ATP9A: variants seen among roughly 807,000 people sequenced by gnomAD.
ATP9A encodes the protein ATPase phospholipid transporting 9A.
In ATP9A, 52 loss-of-function variants were observed where a neutral mutation model predicts 144.1. That is an observed-to-expected ratio of 0.36 (90% CI 0.29 to 0.45). The LOEUF is 0.45. Among genes scored for constraint, ATP9A ranks in the 20% least tolerant of loss-of-function variants. ATP9A has a pLI of 1.00. For synonymous variants in ATP9A, 582 were observed against 557.4 expected (o/e 1.04, Z -0.62); for missense variants, 947 against 1,392.7 (o/e 0.68, Z 5.09).
intron 1 of ATP9A, chr20:51,735,028 C>T: frequency 4.9e-6 from 1 of 203,190 alleles, no homozygotes; most frequent in Non-Finnish European, 1.1e-5. Flanking sequence ...CCAGCTCAGG[C>T]TCTCAAAAGT....
chr20:51,618,888 C>T, intron 20 of ATP9A, 66 bp downstream of exon 20: 1 of 1,597,260 alleles, frequency 6.3e-7, no homozygotes, highest in East Asian at 2.2e-5. Context: ...CCTGCAGTGC[C>T]CCTGCCGAAG....
intron 1 of ATP9A, among the ~76,000 whole-genome samples, chr20:51,745,004 AGTGGCTGACTC>A (rs1476539278): frequency 1.6e-4 from 24 of 151,490 alleles, no homozygotes; most frequent in Admixed American, 3.3e-4. Flanking sequence ...GGCCGGGTGC[AGTGGCTGACTC>A]CTGTAATCCC....
At chr20:51,604,281 G>A (rs1008828895) in intron 27 of ATP9A, among the ~76,000 whole-genome samples, 3 of 152,162 alleles carry the variant, frequency 2.0e-5, no homozygotes, top group Non-Finnish European at 2.9e-5. Context: ...CACGGCAGGT[G>A]CTCCCACGTC....
At position 51,674,238 on chromosome 20, in the gene ATP9A, T is replaced by C. The variant is rs2077467987; in HGVS notation, c.952A>G (p.Met318Val). ...CCTGCAAAGTGCTGAAGGGCAACCA[T>C]GACCAGCGAGACCACCACCAGGGCA... The part of the protein sequence containing the change: ...FGALVVVSLV[M>V]VALQHFAGRW... Residue 318 changes from methionine (M) to valine (V), a missense_variant, in exon 11 of 28, where the codon ATG becomes GTG. Met to Val is a conservative substitution (Grantham distance 21, BLOSUM62 1). This residue lies in a region of ATP9A where 770 missense variants were observed against 1,047.9 expected (regional missense o/e 0.73). Coordinates refer to ENST00000338821, the MANE Select transcript of ATP9A (RefSeq NM_006045.3). 6.2e-7 allele frequency: 1 copy of C among 1,613,876 alleles called. No individual in the cohort carries two copies. Among genetic ancestry groups the C allele is most frequent in the African/African-American group, 1.3e-5 (1 of 74,970 alleles).
rs1489852856 is a variant in ATP9A, at chr20:51,666,020, C to T, written c.1293+3977G>A. Among the ~76,000 whole-genome samples, 3 of 152,184 alleles carry T rather than the reference C, an allele frequency of 2.0e-5. No individual in the cohort carries two copies. In the East Asian group the frequency reaches 5.8e-4, roughly 29 times the overall value. On this transcript the variant is annotated intron_variant, in intron 13 of 27. Coordinates refer to ENST00000338821, the MANE Select transcript of ATP9A (RefSeq NM_006045.3). ...AACTGTGGAATTCCAGCCCCTTCCG[C>T]AGGACACCTCAAGGACCGGACCTGA...
intron 13 of ATP9A, among the ~76,000 whole-genome samples, chr20:51,664,780 C>T (rs1438917844): frequency 6.6e-6 from 1 of 151,580 alleles, no homozygotes; most frequent in Non-Finnish European, 1.5e-5. Flanking sequence ...AGTGCAGTGA[C>T]GCGATCTCAG....
intron 1 of ATP9A, chr20:51,732,246 G>A (rs1057179028): frequency 3.3e-5 from 5 of 152,152 alleles, no homozygotes; most frequent in South Asian, 2.1e-4. Context: ...ACAAGCTCCC[G>A]AAAAACTGCA....
intron 14 of ATP9A, among the ~76,000 whole-genome samples, chr20:51,643,489 G>A (rs947728351): frequency 6.6e-6 from 1 of 152,106 alleles, no homozygotes; most frequent in Non-Finnish European, 1.5e-5. Context: ...CTGGGGGTGG[G>A]GTTCCTCATG....
chr20:51,606,995 G>C (rs1284688276), intron 26 of ATP9A, among the ~76,000 whole-genome samples: 2 of 150,504 alleles, frequency 1.3e-5, no homozygotes, highest in African/African-American at 4.9e-5. Context: ...AAGGATTCTG[G>C]GCATGGTGGC....
chr20:51,694,946 GA>G (rs1456137425), intron 6 of ATP9A, among the ~76,000 whole-genome samples: 1 of 152,076 alleles, frequency 6.6e-6, no homozygotes, highest in Non-Finnish European at 1.5e-5. Context: ...ACACAAGAAC[GA>G]ATTTAAAGAC....
chr20:51,661,937 C>A (rs1026489980), intron 13 of ATP9A, among the ~76,000 whole-genome samples: 3 of 152,174 alleles, frequency 2.0e-5, no homozygotes, highest in African/African-American at 7.2e-5. Context: ...TCATCATTCT[C>A]AACTTGGATG....
At chr20:51,647,201 A>G (rs1164084541) in intron 14 of ATP9A, among the ~76,000 whole-genome samples, 1 of 152,172 alleles carries the variant, frequency 6.6e-6, no homozygotes, top group East Asian at 1.9e-4. Flanking sequence ...GATAAAAATA[A>G]ATACTTAAGA....
intron 4 of ATP9A, among the ~76,000 whole-genome samples, chr20:51,697,888 A>G (rs1413931057): frequency 6.6e-6 from 1 of 152,216 alleles, no homozygotes; most frequent in Non-Finnish European, 1.5e-5. Flanking sequence ...ACTAATTCCA[A>G]ATGACTGATT....
At chr20:51,626,287 G>C (rs1330693334) in intron 17 of ATP9A, among the ~76,000 whole-genome samples, 2 of 152,270 alleles carry the variant, frequency 1.3e-5, no homozygotes, top group South Asian at 4.1e-4. Flanking sequence ...TCAGGAGTTT[G>C]AGACCAGCCT....
At position 51,637,612 on chromosome 20, in the gene ATP9A, G is replaced by A. The variant is rs1270100809; in HGVS notation, c.1668+1731C>T. Among the ~76,000 whole-genome samples the A allele has an allele frequency of 1.7e-4, 26 of 152,046 alleles. 1 individual carries two copies. The highest frequency in any genetic ancestry group is 1.7e-3 in the Admixed American group (26 of 15,268). ...GGAGAAGTTCACAAGCCAAGCCTTA[G>A]CTGAAAATTCTCCGCCAGCAGGCAG... On this transcript the variant is annotated intron_variant, in intron 15 of 27. Coordinates refer to ENST00000338821, the MANE Select transcript of ATP9A (RefSeq NM_006045.3).
chr20:51,731,769 A>G (rs2077742553), intron 1 of ATP9A, among the ~76,000 whole-genome samples: 1 of 151,706 alleles, frequency 6.6e-6, no homozygotes, highest in Non-Finnish European at 1.5e-5. Flanking sequence ...AAGTTTGCAG[A>G]GACGTAAGAA....
Position 51,729,918 on chromosome 20 carries a change from C to G in ATP9A, c.129G>C (p.Leu43=), listed in dbSNP as rs772938555. The G allele has an allele frequency of 6.2e-5, 100 of 1,604,842 alleles. No homozygotes were observed. Among genetic ancestry groups the G allele is most frequent in the Non-Finnish European group, 8.2e-5 (96 of 1,177,358 alleles). The change falls in exon 2 of 28, where the codon CTG becomes CTC. Residue 43 remains leucine, a synonymous_variant. Transcript: ENST00000338821. ...GGEARPRTVW[L]GHPEKRDQRY... is the part of the protein sequence containing the mutation. ...TCTGGTCTCTCTTCTCGGGGTGCCCCAGCCAGACAGTGCGGGGCCTGGCCT... is the reference window on the plus strand; with the variant it reads ...TCTGGTCTCTCTTCTCGGGGTGCCCGAGCCAGACAGTGCGGGGCCTGGCCT...
At chr20:51,732,863 G>A (rs1568840832) in intron 1 of ATP9A, among the ~76,000 whole-genome samples, 1 of 151,974 alleles carries the variant, frequency 6.6e-6, no homozygotes, top group East Asian at 1.9e-4. Context: ...AGCGAAGGAA[G>A]ATTCATTTGA....
intron 13 of ATP9A, among the ~76,000 whole-genome samples, chr20:51,665,253 G>A (rs77185179): frequency 2.4e-4 from 35 of 145,276 alleles, no homozygotes; most frequent in Non-Finnish European, 1.5e-5. Context: ...GAGCAGGGGG[G>A]TTTGGGAACT....
Sources: gnomAD v4.1 joint callset for allele counts (sites outside exome capture counted in the v4.1 genomes callset) on GRCh38, gnomAD v4.1.1 for gene constraint, gnomAD v4.1.1 regional missense constraint, MANE v1.5 for transcripts, NCBI Gene and HGNC (gene_info 2026-07-23, HGNC 2026-07-21) for gene names.